The following SHROOM2 variants were observed in gnomAD, a reference collection of about 807,000 sequenced individuals.
SHROOM2 encodes the protein protein Shroom2.
Under a neutral mutation model 75.9 loss-of-function variants are expected in SHROOM2, and 33 were observed. The ratio of observed to expected loss-of-function variants is 0.43; its 90% CI spans 0.33 to 0.58. The LOEUF is 0.58. Among genes scored for constraint, SHROOM2 ranks in the 20% least tolerant of loss-of-function variants. SHROOM2 has a pLI of 0.04. For synonymous variants in SHROOM2, 655 were observed against 663.6 expected, an observed-to-expected ratio of 0.99 and a Z score of 0.20; for missense variants, 1,434 against 1,461.2, an observed-to-expected ratio of 0.98 and a Z score of 0.30.
At chrX:9,899,058 A>G (rs1383782702) in intron 5 of SHROOM2, among the ~76,000 whole-genome samples, 1 of 109,769 alleles carries the variant, frequency 9.1e-6, no homozygotes, top group Non-Finnish European at 1.9e-5. Flanking sequence ...AGCCTGGGCA[A>G]CATGGTGAGA....
intron 3 of SHROOM2, among the ~76,000 whole-genome samples, chrX:9,891,868 GGTGTGTGT>G (rs113988652): frequency 0.017 from 1,797 of 103,767 alleles, 42 homozygotes; most frequent in African/African-American, 0.057. Flanking sequence ...GAGCATGTTT[GGTGTGTGT>G]GTGTGTGTGT....
chrX:9,806,994 G>A (rs910751316), intron 1 of SHROOM2, among the ~76,000 whole-genome samples: 7 of 111,983 alleles, frequency 6.3e-5, no homozygotes, highest in African/African-American at 1.9e-4. Context: ...AAAGTGCTGG[G>A]ATTACAGGCG....
intron 1 of SHROOM2, among the ~76,000 whole-genome samples, chrX:9,866,485 C>T (rs909184773): frequency 1.8e-5 from 2 of 110,407 alleles, no homozygotes; most frequent in Non-Finnish European, 3.8e-5. Flanking sequence ...TTTTCCAAAT[C>T]CCTCAAGCTG....
chrX:9,919,324 C>CTTTTT (rs55905923), intron 5 of SHROOM2, among the ~76,000 whole-genome samples: 335 of 32,456 alleles, frequency 0.01, 94 homozygotes, highest in African/African-American at 0.044. Context: ...GAGGAGGTTG[C>CTTTTT]TTTTTTTTTT....
chrX:9,831,638 A>G (rs1415134108), intron 1 of SHROOM2, among the ~76,000 whole-genome samples: 2 of 112,280 alleles, frequency 1.8e-5, no homozygotes, highest in South Asian at 3.7e-4. Flanking sequence ...AGCCTGGGCA[A>G]TGAGAGCAAA....
At position 9,786,461 on chromosome X, in the gene SHROOM2, G is replaced by T; in HGVS notation, c.-85G>T. ...TTCCAAGTTACGGCGCAAGTTCTGC[G>T]GCGCTCGGAGCCTCCCTTGCGATCC... On this transcript the variant is annotated 5_prime_UTR_variant, in exon 1 of 10. Transcript: ENST00000380913. The T allele has an allele frequency of 1.1e-5, 8 of 727,414 alleles. No homozygotes were observed. Among genetic ancestry groups the T allele is most frequent in the Non-Finnish European group, 1.4e-5 (8 of 591,680 alleles). 59.9% of individuals were successfully genotyped at this position (727,414 alleles called of 1,213,427 possible).
chrX:9,792,152 AATAGAAT>A (rs2083667184), intron 1 of SHROOM2, among the ~76,000 whole-genome samples: 1 of 14,528 alleles, frequency 6.9e-5, no homozygotes, highest in Admixed American at 1.2e-3. Flanking sequence ...AATAGAATAG[AATAGAAT>A]AATCACCAGT....
At chrX:9,920,894 CT>C in intron 5 of SHROOM2, among the ~76,000 whole-genome samples, 1 of 112,545 alleles carries the variant, frequency 8.9e-6, no homozygotes, top group Admixed American at 9.4e-5. Context: ...AGTTACCTTG[CT>C]GCATAACAAA....
At chrX:9,881,703 AGGAATTCGT>A (rs1401603887) in intron 2 of SHROOM2, among the ~76,000 whole-genome samples, 2 of 112,484 alleles carry the variant, frequency 1.8e-5, no homozygotes, top group Non-Finnish European at 3.8e-5. Flanking sequence ...TTGCATTCAG[AGGAATTCGT>A]GGACCTTCCT....
chrX:9,893,988 A>C (rs2084308511), intron 3 of SHROOM2, among the ~76,000 whole-genome samples: 2 of 110,073 alleles, frequency 1.8e-5, no homozygotes, highest in Admixed American at 9.6e-5. Flanking sequence ...CAACAACAAC[A>C]ACCTGAGTTG....
intron 1 of SHROOM2, among the ~76,000 whole-genome samples, chrX:9,792,347 T>C (rs1409079816): frequency 9.1e-6 from 1 of 110,372 alleles, no homozygotes; most frequent in Non-Finnish European, 1.9e-5. Context: ...AAAGAAAAAA[T>C]TGGACAAACC....
chrX:9,813,740 G>A (rs1469782704), intron 1 of SHROOM2, among the ~76,000 whole-genome samples: 3 of 111,785 alleles, frequency 2.7e-5, no homozygotes. Context: ...CAGTAGGAAG[G>A]CAGTAGGCTT....
chrX:9,915,302 G>A (rs1158981509), intron 5 of SHROOM2, among the ~76,000 whole-genome samples: 1 of 110,735 alleles, frequency 9.0e-6, no homozygotes, highest in Non-Finnish European at 1.9e-5. Flanking sequence ...TGGCTGCACT[G>A]TTTTGCTCAT....
chrX:9,790,103 G>A (rs1362464278), intron 1 of SHROOM2, among the ~76,000 whole-genome samples: 9 of 112,273 alleles, frequency 8.0e-5, no homozygotes, highest in Non-Finnish European at 1.5e-4. Context: ...TTTGGGGGGC[G>A]TGCAGCCAGG....
chrX:9,940,167 T>C (rs1002066972), intron 8 of SHROOM2, among the ~76,000 whole-genome samples: 1 of 111,802 alleles, frequency 8.9e-6, no homozygotes, highest in African/African-American at 3.3e-5. Flanking sequence ...GGGCCCTCCA[T>C]CTGGCACACG....
At chrX:9,788,813 A>G (rs1281979379) in intron 1 of SHROOM2, among the ~76,000 whole-genome samples, 1 of 111,015 alleles carries the variant, frequency 9.0e-6, no homozygotes, top group Non-Finnish European at 1.9e-5. Context: ...GAGGATGCTC[A>G]GCAGCCTCCC....
At chrX:9,817,063 CT>C (rs1431445209) in intron 1 of SHROOM2, among the ~76,000 whole-genome samples, 1 of 110,486 alleles carries the variant, frequency 9.1e-6, no homozygotes, top group Non-Finnish European at 1.9e-5. Flanking sequence ...CCTTCAATTC[CT>C]GGGCTCAAGT....
intron 2 of SHROOM2, among the ~76,000 whole-genome samples, chrX:9,879,101 G>T (rs1016517569): frequency 9.0e-6 from 1 of 110,794 alleles, no homozygotes; most frequent in Non-Finnish European, 1.9e-5. Context: ...TTGCTCTGTT[G>T]CCCAGGCTGG....
Position 9,848,510 on chromosome X carries a change from C to CAAAAAAAAAAAA in SHROOM2, c.166-25132_166-25121dup, listed in dbSNP as rs774991614. On this transcript the variant is annotated intron_variant, in intron 1 of 9. Coordinates refer to ENST00000380913, the MANE Select transcript of SHROOM2 (RefSeq NM_001649.4). ...TGGGCGACAGAGCGAGACTCCGTCT[C>CAAAAAAAAAAAA]AAAAAAAAAAAAAAAAAAAAAGAAA... is the stretch of plus-strand genomic sequence containing the variant. Among the ~76,000 whole-genome samples the CAAAAAAAAAAAA allele has an allele frequency of 3.0e-3, 67 of 22,009 alleles. 3 individuals carry two copies. Among genetic ancestry groups the CAAAAAAAAAAAA allele is most frequent in the Non-Finnish European group, 5.1e-3 (59 of 11,559 alleles). 19.1% of individuals were successfully genotyped at this position (22,009 alleles called of 115,157 possible).
Sources: gnomAD v4.1 joint callset for allele counts (sites outside exome capture counted in the v4.1 genomes callset) on GRCh38, gnomAD v4.1.1 for gene constraint, MANE v1.5 for transcripts, NCBI Gene and HGNC (gene_info 2026-07-23, HGNC 2026-07-21) for gene names.